EPB41L5: variants seen among roughly 807,000 people sequenced by gnomAD.
The protein encoded by EPB41L5 is erythrocyte membrane protein band 4.1 like 5, also known as band 4.1-like protein 5.
EPB41L5 carries 55 observed loss-of-function variants against 106.6 expected under a neutral mutation model. The ratio of observed to expected loss-of-function variants is 0.52; its 90% CI spans 0.42 to 0.65. The LOEUF (loss-of-function observed/expected upper bound fraction) is 0.65, where lower values mean the gene tolerates loss of function less well. Ranked by LOEUF, EPB41L5 falls within the 30% of genes least tolerant of loss-of-function variation. The pLI is 0.00. For missense variants in EPB41L5, 871 were observed against 882.1 expected (o/e 0.99, Z 0.16); for synonymous variants, 297 against 306.7 (o/e 0.97, Z 0.33).
intron 24 of EPB41L5, among the ~76,000 whole-genome samples, chr2:120,169,228 G>C (rs1687558040): frequency 6.6e-6 from 1 of 152,200 alleles, no homozygotes; most frequent in South Asian, 2.1e-4. Flanking sequence ...ATGATGCAAT[G>C]CTGTAAGGAA....
chr2:120,030,848 C>T (rs1448825446), intron 2 of EPB41L5, among the ~76,000 whole-genome samples: 1 of 151,998 alleles, frequency 6.6e-6, no homozygotes, highest in African/African-American at 2.4e-5. Context: ...AGCCTCCGTG[C>T]CTGGCCTCAA....
At chr2:120,064,601 G>C (rs1166915679) in intron 3 of EPB41L5, among the ~76,000 whole-genome samples, 1 of 152,136 alleles carries the variant, frequency 6.6e-6, no homozygotes, top group East Asian at 1.9e-4. Context: ...TGCCTAGTTC[G>C]ATAGGATGCT....
At chr2:120,146,695 A>G (rs1286240145) in intron 20 of EPB41L5, among the ~76,000 whole-genome samples, 1 of 152,096 alleles carries the variant, frequency 6.6e-6, no homozygotes, top group Non-Finnish European at 1.5e-5. Context: ...TGCTCCCTCC[A>G]AGTCTCTTCT....
chr2:120,164,254 A>T (rs1486762348), intron 21 of EPB41L5, among the ~76,000 whole-genome samples: 1 of 152,006 alleles, frequency 6.6e-6, no homozygotes, highest in East Asian at 1.9e-4. Flanking sequence ...TCACTCTGTC[A>T]TCCAGGCTGG....
chr2:120,022,050 T>C (rs919536278), intron 2 of EPB41L5, among the ~76,000 whole-genome samples: 28 of 152,238 alleles, frequency 1.8e-4, no homozygotes, highest in Non-Finnish European at 4.4e-5. Flanking sequence ...ATCTAATTTT[T>C]AAGTTTTTTC....
chr2:120,028,894 G>A (rs1019908619), intron 2 of EPB41L5, among the ~76,000 whole-genome samples: 1 of 152,180 alleles, frequency 6.6e-6, no homozygotes, highest in African/African-American at 2.4e-5. Context: ...GTTTTGGTGG[G>A]ATGGTGTGTT....
At chr2:120,167,819 A>G in intron 23 of EPB41L5, 58 bp from the exon 24 acceptor site, 1 of 1,601,204 alleles carries the variant, frequency 6.2e-7, no homozygotes, top group East Asian at 2.2e-5. Context: ...TTGGAGCTGA[A>G]GTGCTGACCA....
At chr2:120,130,627 G>C (rs950330671) in intron 17 of EPB41L5, among the ~76,000 whole-genome samples, 3 of 152,202 alleles carry the variant, frequency 2.0e-5, no homozygotes, top group Non-Finnish European at 4.4e-5. Flanking sequence ...TTGAATTACT[G>C]GTGCTCAGCT....
intron 16 of EPB41L5, 150 bp from the exon 17 acceptor site, chr2:120,127,537 GT>G (rs1279788059): frequency 6.8e-6 from 4 of 591,660 alleles, no homozygotes; most frequent in Admixed American, 6.7e-5. Context: ...ATTTTTAAAT[GT>G]TTTTTTAATT....
Position 120,073,058 on chromosome 2 carries a change from C to T in EPB41L5, c.286-120C>T, listed in dbSNP as rs1488247414. ...TTTTCTCATTCACTTGGGTTTTTCT[C>T]TTGTGAAGTATTTCCTTGCGGTTAT... On this transcript the variant is annotated intron_variant, in intron 3 of 24. Transcript: ENST00000263713. 6 of 808,146 alleles carry T rather than the reference C, an allele frequency of 7.4e-6. No individual in the cohort carries two copies. The Admixed American group carries it at 1.9e-4, about 26-fold the overall frequency. 50.1% of individuals were successfully genotyped at this position (808,146 alleles called of 1,614,324 possible).
chr2:120,100,167 G>A (rs1684043324), intron 14 of EPB41L5, 77 bp from the exon 15 acceptor site: 1 of 1,023,058 alleles, frequency 9.8e-7, no homozygotes, highest in Non-Finnish European at 1.5e-6. Context: ...TATTTTATTA[G>A]TGTATGTGTT....
chr2:120,088,219 T>C (rs2105359703), intron 11 of EPB41L5, among the ~76,000 whole-genome samples: 1 of 152,332 alleles, frequency 6.6e-6, no homozygotes, highest in Non-Finnish European at 1.5e-5. Flanking sequence ...TGCTATACTT[T>C]TCCTGTTTTA....
At chr2:120,101,889 A>G (rs115432861) in intron 16 of EPB41L5, among the ~76,000 whole-genome samples, 1,852 of 152,166 alleles carry the variant, frequency 0.012, 38 homozygotes, top group African/African-American at 0.042. Flanking sequence ...CTACATGGGT[A>G]TGTGGTGGTG....
chr2:120,160,795 C>T, intron 20 of EPB41L5, 86 bp from the exon 21 acceptor site: 3 of 889,248 alleles, frequency 3.4e-6, no homozygotes, highest in Non-Finnish European at 5.3e-6. Flanking sequence ...GAATTTGTTG[C>T]ACTTCTTTCC....
At chr2:120,041,886 CT>C in intron 2 of EPB41L5, 119 bp from the exon 3 acceptor site, 1 of 603,576 alleles carries the variant, frequency 1.7e-6, no homozygotes, top group East Asian at 2.8e-5. Context: ...CATGCTAATA[CT>C]TTTGGTATTG....
At chr2:120,130,227 A>G (rs1056902798) in intron 17 of EPB41L5, among the ~76,000 whole-genome samples, 1 of 139,980 alleles carries the variant, frequency 7.1e-6, no homozygotes, top group Non-Finnish European at 1.5e-5. Flanking sequence ...AATGTTGTCA[A>G]GGTTGTGGCA....
At chr2:120,058,304 G>T (rs1168982176) in intron 3 of EPB41L5, among the ~76,000 whole-genome samples, 1 of 152,120 alleles carries the variant, frequency 6.6e-6, no homozygotes, top group African/African-American at 2.4e-5. Context: ...ACCCACCTCA[G>T]CCTCCCAAGT....
Position 120,178,646 on chromosome 2 carries a change from T to A in EPB41L5, c.*3739T>A, listed in dbSNP as rs1574814618. ...GAAAGTTGGAAACTTTTCCTACATA[T>A]TAGGCGTTAGTATGAGGACATTTGT... On this transcript the variant is annotated 3_prime_UTR_variant, in exon 25 of 25. Coordinates refer to ENST00000263713, the MANE Select transcript of EPB41L5 (RefSeq NM_020909.4). 6.6e-6 allele frequency: 1 copy of A among 152,252 alleles called. No individual in the cohort carries two copies. The highest frequency in any genetic ancestry group is 1.5e-5 in the Non-Finnish European group (1 of 68,046). 9.4% of individuals were successfully genotyped at this position (152,252 alleles called of 1,614,324 possible).
intron 2 of EPB41L5, among the ~76,000 whole-genome samples, chr2:120,033,167 T>C (rs1678827802): frequency 6.6e-6 from 1 of 152,236 alleles, no homozygotes; most frequent in Non-Finnish European, 1.5e-5. Context: ...ATCATGACCA[T>C]GCTTTCCATC....
Sources: allele counts gnomAD v4.1 joint callset (sites outside exome capture counted in the v4.1 genomes callset), GRCh38; gene constraint gnomAD v4.1.1; transcripts MANE v1.5; gene names NCBI Gene and HGNC (gene_info 2026-07-23, HGNC 2026-07-21).